WDR86: variants seen among roughly 807,000 people sequenced by gnomAD.
WDR86 encodes WD repeat domain 86.
In WDR86, 30 loss-of-function variants were observed where a neutral mutation model predicts 36.5. The observed-to-expected ratio is 0.82, with a 90% confidence interval of 0.61 to 1.11. WDR86 has a LOEUF of 1.11. WDR86 is among the 50% of genes most tolerant of loss of function. The pLI, the probability that WDR86 is intolerant of heterozygous loss-of-function variation, is 0.00. For missense variants in WDR86, 545 were observed against 561.2 expected (o/e 0.97, Z 0.29); for synonymous variants, 255 against 252.9 (o/e 1.01, Z -0.08).
intron 4 of WDR86, among the ~76,000 whole-genome samples, chr7:151,383,241 C>G (rs1021451613): frequency 6.6e-6 from 1 of 151,882 alleles, no homozygotes; most frequent in Non-Finnish European, 1.5e-5. Context: ...GAAGCTGAAG[C>G]TGGCAGAGCA....
chr7:151,404,888 G>A (rs764481463), intron 1 of WDR86, among the ~76,000 whole-genome samples: 3 of 152,170 alleles, frequency 2.0e-5, no homozygotes, highest in South Asian at 2.1e-4. Context: ...CTCTGCCGGC[G>A]GTGGGCTGCA....
At chr7:151,378,936 T>C (rs1798437887), downstream of WDR86, among the ~76,000 whole-genome samples, 1 of 152,190 alleles carries the variant, frequency 6.6e-6, no homozygotes, top group African/African-American at 2.4e-5. Context: ...GTGGAGGCAG[T>C]TCTGGGCATG....
Position 151,409,992 on chromosome 7 carries a change from A to G in WDR86, c.-403T>C. On this transcript the variant is annotated 5_prime_UTR_variant, in exon 1 of 6. Coordinates refer to ENST00000334493, the MANE Select transcript of WDR86 (RefSeq NM_198285.3). The surrounding 1 kb of genome is among the most constrained non-coding windows in gnomAD (Gnocchi z 5.2). ...CTGGGGCGGGGAGAGGAACACGGGA[A>G]GCCGAGCGCCCCGCGCCCTCCCCGG... The G allele has an allele frequency of 1.1e-5, 11 of 1,003,272 alleles. No individual in the cohort carries two copies. The highest frequency in any genetic ancestry group is 1.3e-5 in the Non-Finnish European group (11 of 842,218). The allele number at this position is 1,003,272 out of a possible 1,614,324, so 62.1% of individuals were successfully genotyped here.
At chr7:151,370,892 G>A in the WDR86 span, among the ~76,000 whole-genome samples, 22 of 152,254 alleles carry the variant, frequency 1.4e-4, no homozygotes, top group Non-Finnish European at 2.8e-4. Context: ...TTGGAAAACA[G>A]TTCTCATCAC....
chr7:151,404,454 C>T (rs877156), intron 1 of WDR86, among the ~76,000 whole-genome samples: 41,335 of 152,064 alleles, frequency 0.27, 5,828 homozygotes, highest in African/African-American at 0.34. Context: ...CCAACCCCAA[C>T]CCCTATGTTC....
At chr7:151,374,091 C>T, downstream of WDR86, 1 of 1,551,934 alleles carries the variant, frequency 6.4e-7, no homozygotes, top group Non-Finnish European at 8.7e-7. Flanking sequence ...TGCTGTTTTC[C>T]TAAAGGAACT....
chr7:151,380,384 A>G (rs960113349), downstream of WDR86, among the ~76,000 whole-genome samples: 3 of 152,156 alleles, frequency 2.0e-5, no homozygotes, highest in Non-Finnish European at 2.9e-5. Context: ...TATGAAGCGC[A>G]TGCTGCTCTA....
chr7:151,407,791 A>C (rs1468614036), intron 1 of WDR86, among the ~76,000 whole-genome samples: 1 of 152,208 alleles, frequency 6.6e-6, no homozygotes, highest in Non-Finnish European at 1.5e-5. Context: ...CAGTGAGCCA[A>C]GATCGTGCCA....
intron 4 of WDR86, among the ~76,000 whole-genome samples, chr7:151,382,975 C>T (rs731486): frequency 0.37 from 54,853 of 149,520 alleles, 11,448 homozygotes; most frequent in East Asian, 0.48. Context: ...ACTTGTTCCC[C>T]AGCCTTTTTT....
intron 4 of WDR86, among the ~76,000 whole-genome samples, chr7:151,382,985 T>C (rs979071498): frequency 6.6e-6 from 1 of 151,400 alleles, no homozygotes; most frequent in African/African-American, 2.4e-5. Flanking sequence ...CAGCCTTTTT[T>C]TTTTTTTTTC....
downstream of WDR86, among the ~76,000 whole-genome samples, chr7:151,378,948 G>C (rs1277688339): frequency 6.6e-6 from 1 of 152,228 alleles, no homozygotes; most frequent in Admixed American, 6.5e-5. Flanking sequence ...CTGGGCATGC[G>C]CTATGTCCAG....
At chr7:151,398,680 T>C (rs180921019) in intron 2 of WDR86, among the ~76,000 whole-genome samples, 2 of 151,898 alleles carry the variant, frequency 1.3e-5, no homozygotes, top group Admixed American at 6.5e-5. Context: ...GTAAGTTGTG[T>C]GTATGGTGTA....
In WDR86 at chr7:151,409,476, C is replaced by G. The variant is rs1481852913; in HGVS notation, c.114G>C (p.Thr38=). The change falls in exon 1 of 6, where the codon ACG becomes ACC. Residue 38 remains threonine, a synonymous_variant. Transcript: ENST00000334493. The surrounding 1 kb of genome is among the most constrained non-coding windows in gnomAD (Gnocchi z 5.2). ...QRLLTGSEDG[T]ARLWSTADGQ... is the part of the protein sequence containing the mutation. ...CGTCCGCGGTGCTCCAGAGCCGGGC[C>G]GTGCCGTCCTCGCTGCCCGTCAGCA... The G allele has an allele frequency of 1.3e-6, 2 of 1,537,166 alleles. No individual in the cohort carries two copies. Among genetic ancestry groups the G allele is most frequent in the Non-Finnish European group, 1.7e-6 (2 of 1,147,256 alleles).
downstream of WDR86, chr7:151,374,603 G>T: frequency 3.2e-6 from 1 of 307,736 alleles, no homozygotes; most frequent in Non-Finnish European, 6.1e-6. Context: ...ATAATTGTTT[G>T]GCATTAAAAT....
intron 3 of WDR86, among the ~76,000 whole-genome samples, chr7:151,386,815 C>G (rs939971070): frequency 6.6e-6 from 1 of 152,144 alleles, no homozygotes; most frequent in African/African-American, 2.4e-5. Context: ...GCCCTATATC[C>G]TGGTTTCCAC....
downstream of WDR86, chr7:151,376,389 T>G (rs1798251210): frequency 1.9e-6 from 1 of 524,872 alleles, no homozygotes; most frequent in Non-Finnish European, 3.4e-6. Flanking sequence ...CGCCCTGCTC[T>G]CAGCCCGAGG....
At chr7:151,403,706 T>C (rs929507635) in intron 1 of WDR86, among the ~76,000 whole-genome samples, 35 of 152,232 alleles carry the variant, frequency 2.3e-4, no homozygotes, top group African/African-American at 7.5e-4. Context: ...TTGAGGGCAA[T>C]GTGTTTGTCA....
downstream of WDR86, among the ~76,000 whole-genome samples, chr7:151,380,487 T>C (rs1798496820): frequency 6.6e-6 from 1 of 152,186 alleles, no homozygotes. Flanking sequence ...TGATGAGCTC[T>C]CCACGGCAGA....
chr7:151,374,186 G>GCACGCGGCCCAGCAGGTACTC, downstream of WDR86: 2 of 1,574,080 alleles, frequency 1.3e-6, no homozygotes, highest in Non-Finnish European at 1.7e-6. Context: ...GCTACTCCAC[G>GCACGCGGCCCAGCAGGTACTC]CACGCGGCCC....
Sources: gnomAD v4.1 joint callset for allele counts (sites outside exome capture counted in the v4.1 genomes callset) on GRCh38, gnomAD v4.1.1 for gene constraint, Gnocchi (gnomAD v3.1) non-coding constraint, MANE v1.5 for transcripts, NCBI Gene and HGNC (gene_info 2026-07-23, HGNC 2026-07-21) for gene names.